The following CDH26 variants were observed in gnomAD, a reference collection of about 807,000 sequenced individuals.
The protein encoded by CDH26 is cadherin-like protein 26.
In CDH26, 83 loss-of-function variants were observed where a neutral mutation model predicts 90.3. That is an observed-to-expected ratio of 0.92 (90% CI 0.77 to 1.10). The LOEUF (loss-of-function observed/expected upper bound fraction) is 1.10, where lower values mean the gene tolerates loss of function less well. Ranked by LOEUF, CDH26 falls within the 50% of genes least tolerant of loss-of-function variation. The pLI is 0.00. For missense variants in CDH26, 1,013 were observed against 1,037.6 expected (o/e 0.98, Z 0.33); for synonymous variants, 397 against 396.3 (o/e 1.00, Z -0.02).
At chr20:59,991,282 T>C (rs547815670) in intron 9 of CDH26, among the ~76,000 whole-genome samples, 86 of 152,330 alleles carry the variant, frequency 5.6e-4, no homozygotes, top group African/African-American at 2.0e-3. Context: ...TCAGGAAATG[T>C]TTGGACTGTG....
rs1010438596 is a variant in CDH26, at chr20:60,014,002, A to G, written c.*1272A>G. 7 of 126,262 alleles carry G rather than the reference A, an allele frequency of 5.5e-5. No homozygotes were observed. The highest frequency in any genetic ancestry group is 5.5e-4 in the Admixed American group (6 of 10,908). 7.8% of individuals were successfully genotyped at this position (126,262 alleles called of 1,614,324 possible). A position where few individuals can be genotyped will look rare whatever the true frequency, so the allele number is the denominator to read the frequency against. On this transcript the variant is annotated 3_prime_UTR_variant, in exon 18 of 18. Coordinates refer to ENST00000348616, the MANE Select transcript of CDH26 (RefSeq NM_177980.4). Reference sequence around the variant, plus strand: ...GTCTAGGGCATTTTCTGGGTAATTCAGGATAAAAGTATTTTTTTTTTTAAG... The same window carrying G: ...GTCTAGGGCATTTTCTGGGTAATTCGGGATAAAAGTATTTTTTTTTTTAAG...
intron 15 of CDH26, 160 bp downstream of exon 15, chr20:60,001,571 A>G (rs1367469166): frequency 7.1e-6 from 7 of 985,434 alleles, no homozygotes; most frequent in Non-Finnish European, 8.4e-6. Flanking sequence ...ACCCGACTCT[A>G]TTTCCATCTA....
chr20:59,981,158 A>G (rs908386245), intron 4 of CDH26, among the ~76,000 whole-genome samples: 6 of 152,164 alleles, frequency 3.9e-5, no homozygotes, highest in Admixed American at 3.9e-4. Flanking sequence ...TCTTGAAATT[A>G]TATAGTGTGA....
chr20:59,981,436 T>C (rs2061394294), intron 4 of CDH26, among the ~76,000 whole-genome samples: 1 of 152,198 alleles, frequency 6.6e-6, no homozygotes, highest in African/African-American at 2.4e-5. Context: ...TTTCACTAAA[T>C]AGATCCTATA....
chr20:60,000,538 C>G (rs2146004656), intron 14 of CDH26, among the ~76,000 whole-genome samples: 1 of 152,334 alleles, frequency 6.6e-6, no homozygotes, highest in African/African-American at 2.4e-5. Flanking sequence ...TCCTCTGAGC[C>G]AGTCTGCAAA....
intron 17 of CDH26, 69 bp from the exon 18 acceptor site, chr20:60,012,458 A>G: frequency 6.8e-7 from 1 of 1,466,100 alleles, no homozygotes; most frequent in Middle Eastern, 2.3e-4. Context: ...CCTCGAATCA[A>G]ACCTAGAGAA....
chr20:59,967,639 T>C (rs187785806), intron 1 of CDH26, among the ~76,000 whole-genome samples: 2,952 of 152,288 alleles, frequency 0.019, 41 homozygotes, highest in Middle Eastern at 0.041. Flanking sequence ...TCATCCTGCG[T>C]GCACACTGTC....
chr20:60,022,544 C>T (rs1330068605), intron 7 of CDH26, among the ~76,000 whole-genome samples: 2 of 152,168 alleles, frequency 1.3e-5, no homozygotes, highest in East Asian at 1.9e-4. Context: ...AAACACTGAC[C>T]GAGGAGACCT....
rs751716565 is a variant in CDH26 at position 59,982,591 on chromosome 20, C to T, written c.394-332C>T. On this transcript the variant is annotated intron_variant, in intron 4 of 17. Transcript: ENST00000348616. ...TTAATATATTTATTTCTCATGACAA[C>T]ACTGATAGGTTGTAGAAACGGAGGC... Among the ~76,000 whole-genome samples, 52 of 152,208 alleles carry T rather than the reference C, an allele frequency of 3.4e-4. 1 individual carries two copies. The highest frequency in any genetic ancestry group is 3.3e-4 in the Admixed American group (5 of 15,278).
At chr20:59,963,577 A>T (rs2061106116) in intron 1 of CDH26, among the ~76,000 whole-genome samples, 1 of 152,166 alleles carries the variant, frequency 6.6e-6, no homozygotes, top group African/African-American at 2.4e-5. Context: ...AATTAAAATT[A>T]AGCAAAATTT....
chr20:59,967,232 G>A lies in CDH26; in HGVS notation c.70-1735G>A, dbSNP rs74511302. Among the ~76,000 whole-genome samples the A allele has an allele frequency of 7.7e-3, 1,178 of 152,264 alleles. 18 individuals are homozygous for A. Among genetic ancestry groups the A allele is most frequent in the African/African-American group, 0.026 (1,100 of 41,548 alleles). On this transcript the variant is annotated intron_variant, in intron 1 of 17. Coordinates refer to ENST00000348616, the MANE Select transcript of CDH26 (RefSeq NM_177980.4). ...AGGAAGTTTCAATTTTATCTGTAAC[G>A]ATTTACATCTCAACACTTCGAAGCA... is the stretch of plus-strand genomic sequence containing the variant.
At chr20:59,983,212 T>A in intron 5 of CDH26, 142 bp downstream of exon 5, 1 of 963,064 alleles carries the variant, frequency 1.0e-6, no homozygotes, top group Non-Finnish European at 1.5e-6. Flanking sequence ...GCCTTGGATC[T>A]GAGCGAAATG....
At chr20:59,991,934 G>A (rs1433214100) in intron 9 of CDH26, among the ~76,000 whole-genome samples, 1 of 152,144 alleles carries the variant, frequency 6.6e-6, no homozygotes, top group East Asian at 1.9e-4. Flanking sequence ...TTGAGGAATA[G>A]GGTTACCCAA....
intron 7 of CDH26, among the ~76,000 whole-genome samples, chr20:60,028,246 C>A (rs2062014137): frequency 6.6e-6 from 1 of 152,220 alleles, no homozygotes; most frequent in South Asian, 2.1e-4. Flanking sequence ...TGACCATCAG[C>A]TTTAAACATT....
intron 4 of CDH26, among the ~76,000 whole-genome samples, chr20:59,975,545 C>A (rs977881689): frequency 6.6e-6 from 1 of 152,098 alleles, no homozygotes; most frequent in Non-Finnish European, 1.5e-5. Flanking sequence ...AAACTAACAG[C>A]CAGGGGCTTA....
chr20:60,008,061 C>T (rs2061777988), intron 17 of CDH26, among the ~76,000 whole-genome samples: 1 of 152,074 alleles, frequency 6.6e-6, no homozygotes, highest in Admixed American at 6.5e-5. Context: ...CTGCATGCCC[C>T]CTGCTTGGGG....
At chr20:60,035,513 T>C (rs1344770067), downstream of CDH26, among the ~76,000 whole-genome samples, 1 of 152,270 alleles carries the variant, frequency 6.6e-6, no homozygotes, top group East Asian at 1.9e-4. Flanking sequence ...TATGAAATTA[T>C]GTTTATGAGC....
chr20:60,012,460 C>A, intron 17 of CDH26, 67 bp from the exon 18 acceptor site: 2 of 1,473,462 alleles, frequency 1.4e-6, no homozygotes, highest in Non-Finnish European at 9.3e-7. Context: ...TCGAATCAAA[C>A]CTAGAGAAAT....
chr20:59,971,511 A>G (rs1275649269), intron 3 of CDH26, among the ~76,000 whole-genome samples: 1 of 152,240 alleles, frequency 6.6e-6, no homozygotes, highest in Non-Finnish European at 1.5e-5. Context: ...ATTGATATTA[A>G]TAAATTGGTA....
Sources: allele counts gnomAD v4.1 joint callset (sites outside exome capture counted in the v4.1 genomes callset), GRCh38; gene constraint gnomAD v4.1.1; transcripts MANE v1.5; gene names NCBI Gene and HGNC (gene_info 2026-07-23, HGNC 2026-07-21).